The following ELP4 variants were observed in gnomAD, a reference collection of about 807,000 sequenced individuals.
ELP4 encodes elongator acetyltransferase complex subunit 4.
A neutral mutation model predicts 48.9 loss-of-function variants in ELP4; 51 were observed. The ratio of observed to expected loss-of-function variants is 1.04; its 90% CI spans 0.83 to 1.32. The LOEUF (loss-of-function observed/expected upper bound fraction) is 1.32, where lower values mean the gene tolerates loss of function less well. Among genes scored for constraint, ELP4 ranks in the 40% most tolerant of loss-of-function variants. The pLI, the probability that ELP4 is intolerant of heterozygous loss-of-function variation, is 0.00. For missense variants in ELP4, 519 were observed against 514.6 expected, an observed-to-expected ratio of 1.01 and a Z score of -0.08; for synonymous variants, 210 against 189.2, an observed-to-expected ratio of 1.11 and a Z score of -0.90.
intron 9 of ELP4, among the ~76,000 whole-genome samples, chr11:31,721,125 T>C (rs1946951152): frequency 6.6e-6 from 1 of 152,222 alleles, no homozygotes; most frequent in Admixed American, 6.5e-5. Flanking sequence ...TATTCAGGCT[T>C]TGTTTGCCAG....
intron 6 of ELP4, among the ~76,000 whole-genome samples, chr11:31,629,754 T>C (rs1944819105): frequency 7.0e-6 from 1 of 142,874 alleles, no homozygotes; most frequent in South Asian, 2.3e-4. Context: ...CGTTTCATTG[T>C]ACTATCTAGA....
chr11:31,551,713 AAT>A (rs1429299654), intron 3 of ELP4, among the ~76,000 whole-genome samples: 2 of 152,172 alleles, frequency 1.3e-5, no homozygotes, highest in African/African-American at 4.8e-5. Context: ...GTTATACCTG[AAT>A]AAAGCTATTT....
At chr11:31,583,318 G>GA (rs902122139) in intron 3 of ELP4, among the ~76,000 whole-genome samples, 17 of 151,542 alleles carry the variant, frequency 1.1e-4, no homozygotes, top group Admixed American at 4.6e-4. Flanking sequence ...ACATCTCATA[G>GA]AAAAAAAAAT....
At chr11:31,528,533 G>T (rs929586531) in intron 2 of ELP4, among the ~76,000 whole-genome samples, 1 of 151,902 alleles carries the variant, frequency 6.6e-6, no homozygotes, top group Admixed American at 6.6e-5. Context: ...ATGTTTAACG[G>T]GTTATGCTTA....
intron 9 of ELP4, among the ~76,000 whole-genome samples, chr11:31,697,757 G>T (rs1397756174): frequency 6.6e-6 from 1 of 151,772 alleles, no homozygotes; most frequent in Non-Finnish European, 1.5e-5. Context: ...TGCAATCAGG[G>T]TCTCATCAAA....
In ELP4 at chr11:31,789,705, G is replaced by A; in HGVS notation, c.*6181G>A. ...ATACACCAAAATGAATAAAAGTTTG[G>A]ATACCAAAATGAAGATTTGTTCCAA... On this transcript the variant is annotated 3_prime_UTR_variant, in exon 10 of 10. Transcript: ENST00000640961. 1 of 702,780 alleles carries A rather than the reference G, an allele frequency of 1.4e-6. No homozygotes were observed. The highest frequency in any genetic ancestry group is 2.6e-6 in the Non-Finnish European group (1 of 384,930). 43.5% of individuals were successfully genotyped at this position (702,780 alleles called of 1,614,324 possible). A position where few individuals can be genotyped will look rare whatever the true frequency, so the allele number is the denominator to read the frequency against.
At chr11:31,660,650 G>A (rs1945536758) in intron 9 of ELP4, among the ~76,000 whole-genome samples, 1 of 150,804 alleles carries the variant, frequency 6.6e-6, no homozygotes, top group Admixed American at 6.6e-5. Flanking sequence ...ATATGTACTT[G>A]TTTTTTTTTA....
At chr11:31,682,071 T>G in intron 9 of ELP4, 1 of 1,291,324 alleles carries the variant, frequency 7.7e-7, no homozygotes, top group Non-Finnish European at 1.0e-6. Flanking sequence ...AGAACAAGTC[T>G]AAAGGTAAGT....
chr11:31,645,671 G>C (rs910707182), intron 7 of ELP4: 23 of 151,652 alleles, frequency 1.5e-4, no homozygotes, highest in Non-Finnish European at 3.4e-4. Flanking sequence ...CTGACCTTTT[G>C]ATTAAGAAAT....
intron 9 of ELP4, among the ~76,000 whole-genome samples, chr11:31,728,416 C>G (rs1261832349): frequency 2.6e-5 from 4 of 152,062 alleles, no homozygotes; most frequent in African/African-American, 4.8e-5. Flanking sequence ...TATATAGATA[C>G]TATTAGAAAG....
chr11:31,757,832 G>A (rs149583886), intron 9 of ELP4, among the ~76,000 whole-genome samples: 106 of 152,254 alleles, frequency 7.0e-4, no homozygotes, highest in African/African-American at 2.2e-3. Context: ...CATAGAAGTG[G>A]AGGTAATAGT....
chr11:31,584,077 A>G (rs1254779719), intron 3 of ELP4, among the ~76,000 whole-genome samples: 1 of 152,148 alleles, frequency 6.6e-6, no homozygotes, highest in African/African-American at 2.4e-5. Context: ...AAATGTTTTA[A>G]TTGGTATCTA....
At chr11:31,727,392 G>A (rs368493865) in intron 9 of ELP4, among the ~76,000 whole-genome samples, 1 of 152,080 alleles carries the variant, frequency 6.6e-6, no homozygotes, top group East Asian at 1.9e-4. Context: ...GGAGAATCAG[G>A]TCTCATGTTC....
chr11:31,622,216 G>A (rs6484517), intron 5 of ELP4, among the ~76,000 whole-genome samples: 151,815 of 151,898 alleles, frequency 1, 75,866 homozygotes, highest in Non-Finnish European at 1. Flanking sequence ...AATCACATGT[G>A]CATGATCTTA....
Position 31,788,793 on chromosome 11 carries a change from T to TATC in ELP4, c.*5270_*5272dup. On this transcript the variant is annotated 3_prime_UTR_variant, in exon 10 of 10. Transcript: ENST00000640961. ...TTTCTAACACGTTTTTGATTTATGG[T>TATC]ATCTATAAGGATTATTTTTTAAGGA... is the stretch of plus-strand genomic sequence containing the variant. 1 of 207,516 alleles carries TATC rather than the reference T, an allele frequency of 4.8e-6. No homozygotes were observed. The highest frequency in any genetic ancestry group is 7.3e-5 in the East Asian group (1 of 13,620). The allele number at this position is 207,516 out of a possible 1,614,324, so 12.9% of individuals were successfully genotyped here.
chr11:31,523,298 C>G (rs1956245336), intron 2 of ELP4, among the ~76,000 whole-genome samples: 1 of 152,006 alleles, frequency 6.6e-6, no homozygotes, highest in Non-Finnish European at 1.5e-5. Flanking sequence ...TGTTTAGGAG[C>G]CTATGGTATT....
intron 9 of ELP4, among the ~76,000 whole-genome samples, chr11:31,690,564 C>G (rs1328673478): frequency 6.6e-6 from 1 of 152,004 alleles, no homozygotes; most frequent in Non-Finnish European, 1.5e-5. Context: ...AACCTTTATC[C>G]TCTTACACTG....
Position 31,543,570 on chromosome 11 carries a change from C to T in ELP4, c.381+3787C>T, listed in dbSNP as rs376343675. On this transcript the variant is annotated intron_variant, in intron 3 of 9. Transcript: ENST00000640961. ...TCCTGACCTCATGATCTGCCCACCT[C>T]GGCCTCCCAACGTGCTGGGCAAACT... 2.0e-4 allele frequency among the ~76,000 whole-genome samples: 31 copies of T among 152,280 alleles called. 1 individual carries two copies. The East Asian group carries it at 4.3e-3, about 21-fold the overall frequency.
chr11:31,762,549 A>G (rs1245300780), intron 9 of ELP4, among the ~76,000 whole-genome samples: 1 of 152,034 alleles, frequency 6.6e-6, no homozygotes, highest in African/African-American at 2.4e-5. Context: ...TTAAGTCAGA[A>G]GTAATTTTGG....
Sources: gnomAD v4.1 joint callset for allele counts (sites outside exome capture counted in the v4.1 genomes callset) on GRCh38, gnomAD v4.1.1 for gene constraint, MANE v1.5 for transcripts, NCBI Gene and HGNC (gene_info 2026-07-23, HGNC 2026-07-21) for gene names.